LRIF1: variants seen among roughly 807,000 people sequenced by gnomAD.
LRIF1 encodes the protein ligand-dependent nuclear receptor-interacting factor 1.
Under a neutral mutation model 52.7 loss-of-function variants are expected in LRIF1, and 32 were observed. The observed-to-expected ratio is 0.61, with a 90% CI of 0.46 to 0.82. The LOEUF is 0.82. Ranked by LOEUF, LRIF1 falls within the 40% of genes least tolerant of loss-of-function variation. The pLI, the probability that LRIF1 is intolerant of heterozygous loss-of-function variation, is 0.00. For synonymous variants in LRIF1, 323 were observed against 317.4 expected, an observed-to-expected ratio of 1.02 and a Z score of -0.19; for missense variants, 887 against 892.0, an observed-to-expected ratio of 0.99 and a Z score of 0.07.
the LRIF1 span, chr1:110,941,420 CTTA>C: frequency 6.6e-6 from 1 of 152,118 alleles, no homozygotes; most frequent in African/African-American, 2.4e-5. Flanking sequence ...AAACCTGGCT[CTTA>C]TTATCTACAA....
chr1:110,898,832 C>T, the LRIF1 span, among the ~76,000 whole-genome samples: 8 of 152,262 alleles, frequency 5.3e-5, no homozygotes, highest in African/African-American at 1.9e-4. Flanking sequence ...GCACAGTGTT[C>T]AGTGAGCAGA....
the LRIF1 span, among the ~76,000 whole-genome samples, chr1:110,929,348 C>T: frequency 6.6e-6 from 1 of 152,162 alleles, no homozygotes; most frequent in Non-Finnish European, 1.5e-5. Context: ...ATACTGCTTT[C>T]CATAAGGATT....
intron 1 of LRIF1, among the ~76,000 whole-genome samples, chr1:110,961,857 G>A (rs1450373594): frequency 1.3e-5 from 2 of 152,066 alleles, no homozygotes; most frequent in South Asian, 2.1e-4. Flanking sequence ...CAAAGTAAAT[G>A]TCGAAGCTTC....
At chr1:110,943,500 T>C (rs1658136106), downstream of LRIF1, 1 of 152,198 alleles carries the variant, frequency 6.6e-6, no homozygotes, top group Non-Finnish European at 1.5e-5. Context: ...TAGGATTTAT[T>C]TAACCAAACA....
At chr1:110,904,328 A>G in the LRIF1 span, among the ~76,000 whole-genome samples, 1 of 152,192 alleles carries the variant, frequency 6.6e-6, no homozygotes, top group Admixed American at 6.5e-5. Flanking sequence ...GGCAAGACTC[A>G]GTGCTGTGCT....
the LRIF1 span, among the ~76,000 whole-genome samples, chr1:110,895,227 A>G: frequency 6.6e-6 from 1 of 152,238 alleles, no homozygotes; most frequent in Admixed American, 6.5e-5. Flanking sequence ...TAGTCTGATT[A>G]GTACAAAGTT....
chr1:110,922,615 G>A, the LRIF1 span, among the ~76,000 whole-genome samples: 9 of 152,232 alleles, frequency 5.9e-5, no homozygotes, highest in East Asian at 5.8e-4. Flanking sequence ...AAAGTTATCC[G>A]TCCAATATGA....
chr1:110,944,821 G>A (rs570861506), downstream of LRIF1: 1 of 151,504 alleles, frequency 6.6e-6, no homozygotes, highest in South Asian at 2.1e-4. Flanking sequence ...GGTAAAAAAC[G>A]TTTTGAGGCC....
At chr1:110,933,087 T>C in the LRIF1 span, among the ~76,000 whole-genome samples, 1 of 152,230 alleles carries the variant, frequency 6.6e-6, no homozygotes, top group Non-Finnish European at 1.5e-5. Context: ...CTTCTTTAGG[T>C]TGGCTCCTCT....
chr1:110,963,584 G>A (rs201435640), intron 1 of LRIF1, 37 bp downstream of exon 1: 30 of 1,571,364 alleles, frequency 1.9e-5, no homozygotes, highest in Admixed American at 5.1e-5. Context: ...GACGGACAGA[G>A]GGGCAGCCGT....
At chr1:110,916,863 GA>G in the LRIF1 span, among the ~76,000 whole-genome samples, 1 of 152,044 alleles carries the variant, frequency 6.6e-6, no homozygotes, top group South Asian at 2.1e-4. Flanking sequence ...AACTCATAAG[GA>G]AAAAAATAAA....
chr1:110,952,541 A>T lies in LRIF1; in HGVS notation c.343T>A (p.Ser115Thr). The T allele has an allele frequency of 6.2e-7, 1 of 1,613,998 alleles. No homozygotes were observed. Among genetic ancestry groups the T allele is most frequent in the Non-Finnish European group, 8.5e-7 (1 of 1,179,864 alleles). ...NYFLTRTVDT[S>T]EKGRVTSVGT... ...ACAGAAGTAACTCTACCTTTTTCTG[A>T]TGTATCTACTGTTCTTGTAAGAAAA... The change falls in exon 2 of 4, where the codon TCA (serine) becomes ACA (threonine). Residue 115 changes from serine to threonine, a missense_variant. By Grantham distance (58) the Ser-to-Thr change is moderately conservative. Transcript: ENST00000369763.
Position 110,949,789 on chromosome 1 carries a change from A to G in LRIF1, c.1869+62T>C, listed in dbSNP as rs1368105172. 2.0e-6 allele frequency: 3 copies of G among 1,508,752 alleles called. No homozygotes were observed. In the Admixed American group the frequency reaches 6.0e-5, roughly 30 times the overall value. 93.5% of individuals were successfully genotyped at this position (1,508,752 alleles called of 1,614,324 possible). A position where few individuals can be genotyped will look rare whatever the true frequency, so the allele number is the denominator to read the frequency against. ...CACAAGGGTTAAAACCAAATCAAGAAAAGTAATATTCATGTATCATTTGTA... is the reference window on the plus strand; with the variant it reads ...CACAAGGGTTAAAACCAAATCAAGAGAAGTAATATTCATGTATCATTTGTA... On this transcript the variant is annotated intron_variant, in intron 3 of 3. Transcript: ENST00000369763.
chr1:110,949,824 A>C, intron 3 of LRIF1, 27 bp downstream of exon 3: 1 of 1,601,494 alleles, frequency 6.2e-7, no homozygotes, highest in Non-Finnish European at 8.5e-7. Context: ...AGTACCTATG[A>C]AGAGCACATT....
the LRIF1 span, among the ~76,000 whole-genome samples, chr1:110,915,981 T>C: frequency 3.3e-5 from 5 of 152,154 alleles, no homozygotes; most frequent in Non-Finnish European, 7.4e-5. Flanking sequence ...AGAAAATAAA[T>C]GTCAATGTAA....
chr1:110,880,446 T>C, the LRIF1 span: 1 of 152,080 alleles, frequency 6.6e-6, no homozygotes, highest in African/African-American at 2.4e-5. Flanking sequence ...AGTAGGAATG[T>C]CCCTAAGTTT....
rs552001058 is a variant in LRIF1 at position 110,962,302 on chromosome 1, AAAAAAAG to A, written c.68+1312_68+1318del. Among the ~76,000 whole-genome samples the A allele has an allele frequency of 1.3e-3, 194 of 152,150 alleles. 1 individual carries two copies. Among genetic ancestry groups the A allele is most frequent in the Admixed American group, 9.7e-3 (148 of 15,284 alleles). On this transcript the variant is annotated intron_variant, in intron 1 of 3. Transcript: ENST00000369763. The stretch of plus-strand genomic sequence containing the variant: ...CCCCCAAACTTCCACCACAAAATTA[AAAAAAAG>A]AAAAAAGAAAAAAACACACAAGTAC...
At chr1:110,909,572 G>A in the LRIF1 span, among the ~76,000 whole-genome samples, 1 of 124,068 alleles carries the variant, frequency 8.1e-6, no homozygotes, top group African/African-American at 2.8e-5. Flanking sequence ...GGCAGGGGTA[G>A]CTTTTTTTTT....
At chr1:110,963,560 C>A (rs1005390884) in intron 1 of LRIF1, 61 bp downstream of exon 1, 15 of 1,441,714 alleles carry the variant, frequency 1.0e-5, no homozygotes, top group Non-Finnish European at 1.4e-5. Context: ...CGACGGCCGA[C>A]TCCACATCCC....
Sources: allele counts gnomAD v4.1 joint callset (sites outside exome capture counted in the v4.1 genomes callset), GRCh38; gene constraint gnomAD v4.1.1; transcripts MANE v1.5; gene names NCBI Gene and HGNC (gene_info 2026-07-23, HGNC 2026-07-21).